Variants in CCDC91 observed in about 807,000 individuals in gnomAD.
CCDC91 encodes coiled-coil domain-containing protein 91.
A neutral mutation model predicts 63.2 loss-of-function variants in CCDC91; 48 were observed. The ratio of observed to expected loss-of-function variants is 0.76; its 90% CI spans 0.60 to 0.97. The LOEUF (loss-of-function observed/expected upper bound fraction) is 0.97. CCDC91 is among the 50% of genes least tolerant of loss of function. The pLI is 0.00. For synonymous variants in CCDC91, 167 were observed against 165.8 expected, an observed-to-expected ratio of 1.01 and a Z score of -0.06; for missense variants, 500 against 494.6, an observed-to-expected ratio of 1.01 and a Z score of -0.10.
intron 12 of CCDC91, among the ~76,000 whole-genome samples, chr12:28,522,359 T>A (rs898702082): frequency 1.7e-4 from 26 of 152,350 alleles, no homozygotes; most frequent in African/African-American, 5.5e-4. Flanking sequence ...TTTATTTGCA[T>A]AGAGATGTTT....
At chr12:28,546,631 A>T (rs1943007224) in intron 12 of CCDC91, among the ~76,000 whole-genome samples, 2 of 152,110 alleles carry the variant, frequency 1.3e-5, no homozygotes, top group Admixed American at 1.3e-4. Flanking sequence ...CTTAATTATA[A>T]TAGCCAAATA....
chr12:28,427,702 G>C (rs1366193091), intron 8 of CCDC91, among the ~76,000 whole-genome samples: 1 of 152,166 alleles, frequency 6.6e-6, no homozygotes, highest in Non-Finnish European at 1.5e-5. Context: ...TGAAGTGGCA[G>C]TTTGGCTGTG....
intron 7 of CCDC91, among the ~76,000 whole-genome samples, chr12:28,378,396 TA>T (rs1414630960): frequency 6.6e-6 from 1 of 152,114 alleles, no homozygotes; most frequent in East Asian, 1.9e-4. Flanking sequence ...AAATTGTTTG[TA>T]CCGTTTTATG....
Position 28,412,160 on chromosome 12 carries a change from A to G in CCDC91, c.762+20749A>G, listed in dbSNP as rs374171318. Among the ~76,000 whole-genome samples the G allele has an allele frequency of 5.3e-5, 8 of 152,316 alleles. No homozygotes were observed. In the East Asian group the frequency reaches 1.2e-3, roughly 22 times the overall value. ...TTCTAGGTGTATAGTAGGCTATATC[A>G]TCTAGGTTTGTGTAAGTACACTCTA... On this transcript the variant is annotated intron_variant, in intron 8 of 12. Transcript: ENST00000536442.
intron 6 of CCDC91, among the ~76,000 whole-genome samples, chr12:28,349,173 G>A (rs1943019805): frequency 6.6e-6 from 1 of 152,068 alleles, no homozygotes; most frequent in South Asian, 2.1e-4. Context: ...CTTTGAGGAT[G>A]TTAATATTAT....
intron 1 of CCDC91, among the ~76,000 whole-genome samples, chr12:28,210,443 C>T (rs1293170001): frequency 6.6e-6 from 1 of 152,098 alleles, no homozygotes; most frequent in Non-Finnish European, 1.5e-5. Flanking sequence ...TATAACTGCA[C>T]AGACAGAAGA....
At chr12:28,508,088 A>G (rs960503791) in intron 12 of CCDC91, among the ~76,000 whole-genome samples, 21 of 151,928 alleles carry the variant, frequency 1.4e-4, no homozygotes, top group African/African-American at 5.1e-4. Flanking sequence ...TACTTCCAGC[A>G]GCTGGAGAAA....
At chr12:28,226,548 CATT>C (rs1944284791) in intron 1 of CCDC91, among the ~76,000 whole-genome samples, 1 of 152,072 alleles carries the variant, frequency 6.6e-6, no homozygotes, top group African/African-American at 2.4e-5. Flanking sequence ...GAAATATAAA[CATT>C]ATTATTTAGA....
At chr12:28,296,569 T>A (rs1160985675) in intron 3 of CCDC91, among the ~76,000 whole-genome samples, 1 of 151,944 alleles carries the variant, frequency 6.6e-6, no homozygotes, top group Non-Finnish European at 1.5e-5. Flanking sequence ...TCCTTCAATT[T>A]CCAACCTAGA....
chr12:28,371,150 A>G (rs1381050710), intron 7 of CCDC91, among the ~76,000 whole-genome samples: 4 of 151,954 alleles, frequency 2.6e-5, no homozygotes, highest in African/African-American at 9.7e-5. Context: ...GGTGGTTTGT[A>G]TAGCAGGGGT....
chr12:28,244,377 A>G (rs1023133746), intron 1 of CCDC91, among the ~76,000 whole-genome samples: 1 of 151,976 alleles, frequency 6.6e-6, no homozygotes, highest in Non-Finnish European at 1.5e-5. Flanking sequence ...AAGCATGCTT[A>G]TCACATGTTC....
intron 1 of CCDC91, among the ~76,000 whole-genome samples, chr12:28,217,054 C>CAA (rs1943605479): frequency 6.6e-6 from 1 of 152,064 alleles, no homozygotes; most frequent in South Asian, 2.1e-4. Context: ...AACATTATTA[C>CAA]TACTGCTTCC....
chr12:28,435,076 C>G (rs939667108), intron 8 of CCDC91, among the ~76,000 whole-genome samples: 7 of 151,606 alleles, frequency 4.6e-5, no homozygotes, highest in African/African-American at 1.4e-4. Flanking sequence ...CAAATAAAAA[C>G]CAAATAACCA....
chr12:28,517,943 A>G (rs556432335), intron 12 of CCDC91, among the ~76,000 whole-genome samples: 13 of 151,952 alleles, frequency 8.6e-5, no homozygotes, highest in Non-Finnish European at 1.9e-4. Flanking sequence ...GGTCCGATTC[A>G]GATTGCTGTG....
intron 3 of CCDC91, among the ~76,000 whole-genome samples, chr12:28,282,044 A>G (rs1488825057): frequency 1.3e-5 from 2 of 152,208 alleles, no homozygotes; most frequent in Non-Finnish European, 2.9e-5. Context: ...TAAAGGTAGA[A>G]ATGTACATAT....
chr12:28,210,613 G>A (rs1279972849), intron 1 of CCDC91, among the ~76,000 whole-genome samples: 1 of 152,098 alleles, frequency 6.6e-6, no homozygotes, highest in African/African-American at 2.4e-5. Flanking sequence ...TTGAATATCT[G>A]CTTTTAATTA....
intron 6 of CCDC91, among the ~76,000 whole-genome samples, chr12:28,315,347 G>T (rs1939747984): frequency 6.6e-6 from 1 of 151,764 alleles, no homozygotes; most frequent in African/African-American, 2.4e-5. Context: ...TGTATTTTTA[G>T]TAGAGATGCG....
rs755378662 is a variant in CCDC91, at chr12:28,462,965, A to G, written c.1101+10311A>G. 4.6e-5 allele frequency among the ~76,000 whole-genome samples: 7 copies of G among 152,156 alleles called. No homozygotes were observed. The South Asian group carries it at 6.2e-4, about 14-fold the overall frequency. Reference sequence around the variant, plus strand: ...CTTATTAAACAGAGGAGAAGGATGAAGAGAAATCATTCCAAGCTCAGAGAG... The same window carrying G: ...CTTATTAAACAGAGGAGAAGGATGAGGAGAAATCATTCCAAGCTCAGAGAG... On this transcript the variant is annotated intron_variant, in intron 11 of 12. Coordinates refer to ENST00000536442, the MANE Select transcript of CCDC91 (RefSeq NM_018318.5).
chr12:28,513,803 TA>T (rs1939637976), intron 12 of CCDC91, among the ~76,000 whole-genome samples: 2 of 151,918 alleles, frequency 1.3e-5, no homozygotes, highest in Admixed American at 6.6e-5. Context: ...GTGTTCTTCT[TA>T]TGTCTACATA....
Sources: allele counts gnomAD v4.1 joint callset (sites outside exome capture counted in the v4.1 genomes callset), GRCh38; gene constraint gnomAD v4.1.1; transcripts MANE v1.5; gene names NCBI Gene and HGNC (gene_info 2026-07-23, HGNC 2026-07-21).